Variants in TTC3 observed in about 807,000 individuals in gnomAD.
The protein encoded by TTC3 is tetratricopeptide repeat domain 3.
In TTC3, 180 loss-of-function variants were observed where a neutral mutation model predicts 249.6. The ratio of observed to expected loss-of-function variants is 0.72; its 90% CI spans 0.64 to 0.82. TTC3 has a LOEUF of 0.82. Ranked by LOEUF, TTC3 falls within the 40% of genes least tolerant of loss-of-function variation. TTC3 has a pLI of 0.00. For synonymous variants in TTC3, 717 were observed against 805.0 expected (o/e 0.89, Z 1.85); for missense variants, 2,061 against 2,398.4 (o/e 0.86, Z 2.94).
At chr21:37,192,017 T>C (rs1013515632) in intron 40 of TTC3, 95 bp from the exon 41 acceptor site, 1 of 770,622 alleles carries the variant, frequency 1.3e-6, no homozygotes, top group Non-Finnish European at 2.1e-6. Flanking sequence ...TGAATTTCCT[T>C]ACCAAGACAG....
intron 14 of TTC3, 104 bp downstream of exon 14, chr21:37,124,846 C>T (rs1407101399): frequency 1.8e-6 from 2 of 1,124,200 alleles, no homozygotes; most frequent in Non-Finnish European, 2.5e-6. Flanking sequence ...GCGATTTGAA[C>T]CCTTTTTGCC....
chr21:37,147,585 A>G (rs1267976520), exon 22 of TTC3: 3 of 1,605,938 alleles, frequency 1.9e-6, no homozygotes, highest in Non-Finnish European at 2.5e-6. Context: ...AGATATACAT[A>G]ACTGATCCAG....
At chr21:37,161,007 T>TA in intron 30 of TTC3, 149 bp downstream of exon 30, 1 of 708,610 alleles carries the variant, frequency 1.4e-6, no homozygotes, top group Non-Finnish European at 2.1e-6. Flanking sequence ...GGCAGTCTTC[T>TA]ACATTTTGAA....
At chr21:37,085,116 C>A (rs1262159726) in intron 1 of TTC3, among the ~76,000 whole-genome samples, 1 of 152,318 alleles carries the variant, frequency 6.6e-6, no homozygotes, top group East Asian at 1.9e-4. Context: ...TGACCAGTAT[C>A]AGTCTGCCAG....
exon 33 of TTC3, chr21:37,165,722 G>A: frequency 1.9e-6 from 3 of 1,613,484 alleles, no homozygotes; most frequent in Non-Finnish European, 1.7e-6. Flanking sequence ...CAACTGTATT[G>A]CACTGAAGAA....
exon 28 of TTC3, chr21:37,156,899 T>C: frequency 5.6e-6 from 9 of 1,613,462 alleles, no homozygotes; most frequent in Non-Finnish European, 7.6e-6. Context: ...AATTCTTTGA[T>C]ATAATGGGTA....
At position 37,094,240 on chromosome 21, in the gene TTC3, T is replaced by C. The variant is rs568485368; in HGVS notation, c.687+150T>C. On this transcript the variant is annotated intron_variant, in intron 8 of 45. Transcript: ENST00000355666. Reference sequence around the variant, plus strand: ...AGAACTAATATCTTGATCAGAGTTCTCTAATGATTTAAAAACCATTAATTG... The same window carrying C: ...AGAACTAATATCTTGATCAGAGTTCCCTAATGATTTAAAAACCATTAATTG... 4 of 489,522 alleles carry C rather than the reference T, an allele frequency of 8.2e-6. No homozygotes were observed. In the South Asian group the frequency reaches 1.7e-4, roughly 21 times the overall value. The allele number at this position is 489,522 out of a possible 1,614,324, so 30.3% of individuals were successfully genotyped here.
chr21:37,157,292 T>C, intron 28 of TTC3: 1 of 844,522 alleles, frequency 1.2e-6, no homozygotes, highest in South Asian at 1.5e-5. Flanking sequence ...CTAGAATGGA[T>C]AGCATTCTAG....
chr21:37,151,815 A>G, intron 25 of TTC3, 78 bp from the exon 26 acceptor site: 1 of 1,432,498 alleles, frequency 7.0e-7, no homozygotes, highest in Non-Finnish European at 9.2e-7. Flanking sequence ...CTTCTAATAT[A>G]TTGCTTGGAA....
At chr21:37,196,977 G>A (rs1277847158) in intron 42 of TTC3, among the ~76,000 whole-genome samples, 5 of 152,216 alleles carry the variant, frequency 3.3e-5, no homozygotes, top group Non-Finnish European at 5.9e-5. Flanking sequence ...AGGTTGTTAC[G>A]AGGGGGACAG....
At position 37,184,629 on chromosome 21, in the gene TTC3, A is replaced by ATTTTT. The variant is rs765134090; in HGVS notation, c.4758-1062_4758-1058dup. Among the ~76,000 whole-genome samples the ATTTTT allele has an allele frequency of 8.8e-3, 1,066 of 121,526 alleles. 36 individuals carry two copies. The highest frequency in any genetic ancestry group is 0.08 in the East Asian group (349 of 4,362). The allele number at this position is 121,526 out of a possible 152,430, so 79.7% of individuals were successfully genotyped here. A position where few individuals can be genotyped will look rare whatever the true frequency, so the allele number is the denominator to read the frequency against. On this transcript the variant is annotated intron_variant, in intron 36 of 45. Coordinates refer to ENST00000355666, the Ensembl canonical transcript of TTC3. ...ACCACCACGCCTGACTAATTTTTCTATTTTTTTTTTTTTTTTTTTAGTAGA... is the reference window on the plus strand; with the variant it reads ...ACCACCACGCCTGACTAATTTTTCTATTTTTTTTTTTTTTTTTTTTTTTTAGTAGA...
chr21:37,088,162 C>T, intron 3 of TTC3, 34 bp from the exon 4 acceptor site: 1 of 1,490,820 alleles, frequency 6.7e-7, no homozygotes, highest in Non-Finnish European at 9.0e-7. Context: ...AAATGAGGCA[C>T]AAACATTAAT....
At chr21:37,114,625 G>A (rs1272702258) in intron 11 of TTC3, among the ~76,000 whole-genome samples, 8 of 152,118 alleles carry the variant, frequency 5.3e-5, no homozygotes, top group African/African-American at 1.9e-4. Flanking sequence ...TCAGTGTGGC[G>A]ATTCCTCAGG....
intron 35 of TTC3, among the ~76,000 whole-genome samples, chr21:37,179,717 G>T (rs1477161996): frequency 6.6e-6 from 1 of 151,988 alleles, no homozygotes; most frequent in Non-Finnish European, 1.5e-5. Flanking sequence ...TATTGCCAAG[G>T]TAGAACTCCT....
chr21:37,080,329 TCTTA>T (rs898356026), intron 1 of TTC3, among the ~76,000 whole-genome samples: 4 of 151,896 alleles, frequency 2.6e-5, no homozygotes, highest in African/African-American at 4.8e-5. Flanking sequence ...ATTATCGATT[TCTTA>T]CTTGTGTTGC....
At chr21:37,117,869 C>CT (rs1374513282) in intron 11 of TTC3, among the ~76,000 whole-genome samples, 11 of 147,382 alleles carry the variant, frequency 7.5e-5, no homozygotes, top group Non-Finnish European at 9.0e-5. Context: ...AAGAAAAAAA[C>CT]TTTAACAATT....
chr21:37,136,944 T>C (rs1170071481), intron 18 of TTC3, among the ~76,000 whole-genome samples: 1 of 152,194 alleles, frequency 6.6e-6, no homozygotes, highest in Non-Finnish European at 1.5e-5. Context: ...CCCTTAAGAA[T>C]TATGCTAATT....
Position 37,200,175 on chromosome 21 carries a change from G to A in TTC3, c.5851-57G>A, listed in dbSNP as rs367696189. On this transcript the variant is annotated intron_variant, in intron 44 of 45. Coordinates refer to ENST00000355666, the Ensembl canonical transcript of TTC3. Reference sequence around the variant, plus strand: ...TGAAGGCCACTTGAAGGAAGAACTCGTGTCATAAAAACAACTGTAGTTATT... The same window carrying A: ...TGAAGGCCACTTGAAGGAAGAACTCATGTCATAAAAACAACTGTAGTTATT... 4.1e-5 allele frequency: 62 copies of A among 1,529,440 alleles called. No homozygotes were observed. The African/African-American group carries it at 4.5e-4, about 11-fold the overall frequency. 94.7% of individuals were successfully genotyped at this position (1,529,440 alleles called of 1,614,324 possible).
rs1259593894 is a variant in TTC3 at position 37,164,148 on chromosome 21, G to A, written c.3268G>A (p.Glu1090Lys). The change falls in exon 32 of 46, where the codon GAA becomes AAA. Residue 1090 changes from glutamate (E) to lysine (K), a missense_variant. Around this residue, in one of 3 missense-constraint regions of TTC3, gnomAD observed 1,040 missense variants for 1,186.1 expected, o/e 0.88. Coordinates refer to ENST00000355666, the Ensembl canonical transcript of TTC3. ...AGCTCTCTATGACCAACACAGTAAC[G>A]AATATGTTGTCCGCAATAAGAAGCT... 5.6e-6 allele frequency: 9 copies of A among 1,613,572 alleles called. No individual in the cohort carries two copies. Among genetic ancestry groups the A allele is most frequent in the Middle Eastern group, 1.7e-4 (1 of 6,008 alleles).
Sources: gnomAD v4.1 joint callset for allele counts (sites outside exome capture counted in the v4.1 genomes callset) on GRCh38, gnomAD v4.1.1 for gene constraint, gnomAD v4.1.1 regional missense constraint, MANE v1.5 for transcripts, NCBI Gene and HGNC (gene_info 2026-07-23, HGNC 2026-07-21) for gene names.